Variants in VWA2 observed in about 807,000 individuals in gnomAD.
The protein encoded by VWA2 is von Willebrand factor A domain containing 2.
In VWA2, 73 loss-of-function variants were observed where a neutral mutation model predicts 70.4. That is an observed-to-expected ratio of 1.04 (90% CI 0.86 to 1.26). The LOEUF is 1.26. VWA2 is among the 50% of genes most tolerant of loss of function. The pLI, the probability that VWA2 is intolerant of heterozygous loss-of-function variation, is 0.00. For synonymous variants in VWA2, 407 were observed against 423.3 expected, an observed-to-expected ratio of 0.96 and a Z score of 0.47; for missense variants, 1,011 against 998.5, an observed-to-expected ratio of 1.01 and a Z score of -0.17.
chr10:114,286,430 G>A lies in VWA2; in HGVS notation c.1489G>A (p.Val497Met). 4 of 1,613,674 alleles carry A rather than the reference G, an allele frequency of 2.5e-6. No individual in the cohort carries two copies. Among genetic ancestry groups the A allele is most frequent in the South Asian group, 2.2e-5 (2 of 91,060 alleles). ...LEEITGSPKHVMVYSDPQDLF... is the reference protein window; with the variant it reads ...LEEITGSPKHMMVYSDPQDLF... Reference sequence around the variant, plus strand: ...GGAGATCACAGGCAGCCCAAAGCATGTGATGGTCTACTCGGATCCTCAGGA... The same window carrying A: ...GGAGATCACAGGCAGCCCAAAGCATATGATGGTCTACTCGGATCCTCAGGA... Residue 497 changes from valine (V) to methionine (M), a missense_variant, in exon 11 of 14, where the codon GTG (valine) becomes ATG (methionine). By Grantham distance (21) the Val-to-Met change is conservative. Transcript: ENST00000392982.
intron 4 of VWA2, among the ~76,000 whole-genome samples, chr10:114,257,358 A>G (rs1421843205): frequency 6.6e-6 from 1 of 152,224 alleles, no homozygotes; most frequent in African/African-American, 2.4e-5. Context: ...GGAATAACAT[A>G]AAGAGAAGAA....
At chr10:114,272,529 A>G (rs998783220) in intron 5 of VWA2, among the ~76,000 whole-genome samples, 2 of 152,138 alleles carry the variant, frequency 1.3e-5, no homozygotes, top group African/African-American at 4.8e-5. Flanking sequence ...TACAACAGAG[A>G]TGTACGGGGT....
intron 4 of VWA2, among the ~76,000 whole-genome samples, chr10:114,256,909 CAAAA>C (rs1191231574): frequency 1.6e-4 from 9 of 54,806 alleles, no homozygotes; most frequent in Admixed American, 3.9e-4. Context: ...AACACCGTCT[CAAAA>C]AAAAAAAAAA....
At position 114,272,899 on chromosome 10, in the gene VWA2, T is replaced by C; in HGVS notation, c.531T>C (p.Gly177=). ...CATCCAAGCAGCTGAAGGAAAGGGG[T>C]GTCACTGTGTTTGCTGTGGGGGTCA... The part of the protein sequence containing the change: ...ALPSKQLKER[G]VTVFAVGVRF... Residue 177 remains glycine, a synonymous_variant, in exon 6 of 14, where the codon GGT becomes GGC. Transcript: ENST00000392982. 3 of 1,613,240 alleles carry C rather than the reference T, an allele frequency of 1.9e-6. No homozygotes were observed. Among genetic ancestry groups the C allele is most frequent in the Non-Finnish European group, 2.5e-6 (3 of 1,179,608 alleles).
At position 114,286,525 on chromosome 10, in the gene VWA2, G is replaced by A. The variant is rs1223467751; in HGVS notation, c.1570+14G>A. The A allele has an allele frequency of 1.9e-6, 3 of 1,546,732 alleles. No homozygotes were observed. Among genetic ancestry groups the A allele is most frequent in the Non-Finnish European group, 1.7e-6 (2 of 1,146,088 alleles). Reference sequence around the variant, plus strand: ...GGCAGCGGCCAGGTAAGGTCCCAGTGCCTGACCCAGGACCGCTGGTCAGTG... The same window carrying A: ...GGCAGCGGCCAGGTAAGGTCCCAGTACCTGACCCAGGACCGCTGGTCAGTG... On this transcript the variant is annotated intron_variant, in intron 11 of 13. Coordinates refer to ENST00000392982, the MANE Select transcript of VWA2 (RefSeq NM_001272046.2).
intron 11 of VWA2, among the ~76,000 whole-genome samples, chr10:114,288,285 G>A (rs2039154344): frequency 6.6e-6 from 1 of 152,134 alleles, no homozygotes; most frequent in African/African-American, 2.4e-5. Context: ...GAAGTCCCCT[G>A]CTTTTCCCTC....
intron 1 of VWA2, among the ~76,000 whole-genome samples, chr10:114,245,856 G>A (rs752032541): frequency 1.3e-5 from 2 of 152,196 alleles, no homozygotes; most frequent in Admixed American, 6.5e-5. Context: ...ACTCTCAGCT[G>A]GCAGGGACAT....
chr10:114,287,615 T>C (rs2039068248), intron 11 of VWA2, among the ~76,000 whole-genome samples: 1 of 152,190 alleles, frequency 6.6e-6, no homozygotes, highest in Non-Finnish European at 1.5e-5. Context: ...AGGACAGGGA[T>C]TGGCTGCCCA....
intron 2 of VWA2, among the ~76,000 whole-genome samples, chr10:114,251,279 G>C (rs1157901255): frequency 6.6e-6 from 1 of 152,224 alleles, no homozygotes; most frequent in Non-Finnish European, 1.5e-5. Context: ...CCTGTTCAGG[G>C]GGAGCCTCTG....
chr10:114,256,715 C>T (rs1191457620), intron 4 of VWA2, among the ~76,000 whole-genome samples: 1 of 152,034 alleles, frequency 6.6e-6, no homozygotes, highest in Non-Finnish European at 1.5e-5. Context: ...TTGAGACCGT[C>T]CTGGCTAACA....
At position 114,254,980 on chromosome 10, in the gene VWA2, G is replaced by A; in HGVS notation, c.193G>A (p.Gly65Arg). The change falls in exon 4 of 14, where the codon GGG becomes AGG. Residue 65 changes from glycine to arginine, a missense_variant. Physicochemically the swap from Gly to Arg is moderately radical, Grantham distance 125. Coordinates refer to ENST00000392982, the MANE Select transcript of VWA2 (RefSeq NM_001272046.2). ...LLDGSNSVGK[G>R]SFERSKHFAI... ...AGATGGGTCTAACAGCGTCGGGAAA[G>A]GGAGCTTTGAAAGGTCCAAGCACTT... 6.2e-7 allele frequency: 1 copy of A among 1,613,354 alleles called. No individual in the cohort carries two copies. Among genetic ancestry groups the A allele is most frequent in the Non-Finnish European group, 8.5e-7 (1 of 1,179,958 alleles).
chr10:114,261,708 GC>G (rs2037448776), intron 5 of VWA2, among the ~76,000 whole-genome samples: 1 of 152,106 alleles, frequency 6.6e-6, no homozygotes, highest in Non-Finnish European at 1.5e-5. Context: ...AAGAGTAAGT[GC>G]CCCCCTGTTA....
chr10:114,270,846 A>G (rs1034143177), intron 5 of VWA2, among the ~76,000 whole-genome samples: 13 of 152,088 alleles, frequency 8.5e-5, no homozygotes, highest in African/African-American at 3.1e-4. Flanking sequence ...TTTCTTTGAT[A>G]AGCCCATTGC....
At chr10:114,251,641 C>T (rs971998650) in intron 2 of VWA2, among the ~76,000 whole-genome samples, 3 of 152,174 alleles carry the variant, frequency 2.0e-5, no homozygotes, top group African/African-American at 4.8e-5. Flanking sequence ...TATGTGTTTA[C>T]GCAGAGGGCT....
At chr10:114,250,096 A>G (rs1589739846) in intron 2 of VWA2, among the ~76,000 whole-genome samples, 1 of 152,144 alleles carries the variant, frequency 6.6e-6, no homozygotes, top group Non-Finnish European at 1.5e-5. Flanking sequence ...AGATCAAGTC[A>G]CATCCCCCTC....
chr10:114,264,001 A>G (rs2037505332), intron 5 of VWA2, among the ~76,000 whole-genome samples: 1 of 152,236 alleles, frequency 6.6e-6, no homozygotes, highest in South Asian at 2.1e-4. Context: ...AGACTGACAA[A>G]AACAAGTGTT....
At chr10:114,258,251 C>T (rs904067272) in intron 4 of VWA2, among the ~76,000 whole-genome samples, 2 of 152,114 alleles carry the variant, frequency 1.3e-5, no homozygotes, top group Non-Finnish European at 2.9e-5. Context: ...GCATTTCATT[C>T]GTGCCATGTT....
chr10:114,282,401 TCTTA>T, intron 8 of VWA2, 111 bp from the exon 9 acceptor site: 2 of 826,628 alleles, frequency 2.4e-6, no homozygotes, highest in African/African-American at 3.4e-5. Flanking sequence ...AGGAAGTCTT[TCTTA>T]CTTCTGCATT....
intron 4 of VWA2, among the ~76,000 whole-genome samples, chr10:114,260,956 T>C (rs1340898705): frequency 6.6e-6 from 1 of 152,096 alleles, no homozygotes; most frequent in South Asian, 2.1e-4. Flanking sequence ...GTCAAGAAGA[T>C]TGAATTGGGG....
Sources: gnomAD v4.1 joint callset for allele counts (sites outside exome capture counted in the v4.1 genomes callset) on GRCh38, gnomAD v4.1.1 for gene constraint, MANE v1.5 for transcripts, NCBI Gene and HGNC (gene_info 2026-07-23, HGNC 2026-07-21) for gene names.